Variants in SYN3 observed in about 807,000 individuals in gnomAD.
The protein encoded by SYN3 is synapsin III, also known as synapsin-3.
A neutral mutation model predicts 65.8 loss-of-function variants in SYN3; 35 were observed. The ratio of observed to expected loss-of-function variants is 0.53; its 90% confidence interval spans 0.41 to 0.70. The LOEUF (loss-of-function observed/expected upper bound fraction) is 0.70. Among genes scored for constraint, SYN3 ranks in the 30% least tolerant of loss-of-function variants. The pLI is 0.00. For synonymous variants in SYN3, 270 were observed against 292.9 expected, an observed-to-expected ratio of 0.92 and a Z score of 0.80; for missense variants, 680 against 749.0, an observed-to-expected ratio of 0.91 and a Z score of 1.08.
intron 6 of SYN3, among the ~76,000 whole-genome samples, chr22:32,840,646 C>T (rs1359114053): frequency 1.3e-5 from 2 of 152,078 alleles, no homozygotes; most frequent in South Asian, 2.1e-4. Flanking sequence ...CCGCCCCCTC[C>T]GCCCCCCACC....
chr22:32,554,812 C>A (rs972661156), intron 7 of SYN3, among the ~76,000 whole-genome samples: 4 of 151,816 alleles, frequency 2.6e-5, no homozygotes, highest in Admixed American at 6.6e-5. Flanking sequence ...GCCTTGCTGA[C>A]AAAAAAAATG....
In SYN3 at chr22:32,604,781, A is replaced by G. The variant is rs372426550; in HGVS notation, c.712-8045T>C. 3.1e-3 allele frequency among the ~76,000 whole-genome samples: 474 copies of G among 152,146 alleles called. 5 individuals are homozygous for G. The highest frequency in any genetic ancestry group is 0.01 in the African/African-American group (432 of 41,524). On this transcript the variant is annotated intron_variant, in intron 6 of 13. Transcript: ENST00000358763. ...AGCACTTTGGGAGGCTGAGGCGGGC[A>G]GATGACGAGGTCAGGAGATCGAGAC...
chr22:32,989,556 C>T (rs1254945695), intron 2 of SYN3, among the ~76,000 whole-genome samples: 2 of 152,108 alleles, frequency 1.3e-5, no homozygotes, highest in South Asian at 2.1e-4. Context: ...TCATCAGGGC[C>T]GGGCACGGTG....
intron 12 of SYN3, among the ~76,000 whole-genome samples, chr22:32,522,761 T>C (rs1286958141): frequency 1.3e-5 from 2 of 152,336 alleles, no homozygotes; most frequent in African/African-American, 2.4e-5. Context: ...ATTTATCTCA[T>C]GGACAAGCAC....
At chr22:32,687,657 C>T (rs2060609022) in intron 6 of SYN3, among the ~76,000 whole-genome samples, 1 of 152,132 alleles carries the variant, frequency 6.6e-6, no homozygotes. Context: ...TCCACTCCCG[C>T]CTCCCTCTTG....
chr22:32,903,320 A>G (rs1199987378), intron 4 of SYN3, among the ~76,000 whole-genome samples: 1 of 152,252 alleles, frequency 6.6e-6, no homozygotes, highest in Non-Finnish European at 1.5e-5. Flanking sequence ...GCAAGCTGTT[A>G]TGACCTGTGA....
chr22:32,562,598 C>T (rs1358693951), intron 7 of SYN3, among the ~76,000 whole-genome samples: 2 of 152,232 alleles, frequency 1.3e-5, no homozygotes, highest in Non-Finnish European at 2.9e-5. Context: ...ACCGGCTCTG[C>T]CCCCTGTCAG....
chr22:32,605,521 C>T lies in SYN3; in HGVS notation c.712-8785G>A, dbSNP rs549056146. Among the ~76,000 whole-genome samples the T allele has an allele frequency of 1.1e-4, 16 of 152,272 alleles. No individual in the cohort carries two copies. In the East Asian group the frequency reaches 1.5e-3, roughly 15 times the overall value. On this transcript the variant is annotated intron_variant, in intron 6 of 13. Coordinates refer to ENST00000358763, the MANE Select transcript of SYN3 (RefSeq NM_003490.4). Reference sequence around the variant, plus strand: ...TAAGCACTTTACATATATCGCCCCACGTAAGCCTCTTGATACTTCTTCTGT... The same window carrying T: ...TAAGCACTTTACATATATCGCCCCATGTAAGCCTCTTGATACTTCTTCTGT...
intron 6 of SYN3, among the ~76,000 whole-genome samples, chr22:32,781,299 A>T (rs1009574043): frequency 6.6e-6 from 1 of 151,992 alleles, no homozygotes; most frequent in Non-Finnish European, 1.5e-5. Context: ...TCTCACCCTC[A>T]TGGTGCCTAG....
At chr22:32,927,461 G>A (rs1307113906) in intron 4 of SYN3, among the ~76,000 whole-genome samples, 3 of 151,858 alleles carry the variant, frequency 2.0e-5, no homozygotes, top group Middle Eastern at 6.8e-3. Context: ...TGTTGCCCAG[G>A]CTGGTCTCAA....
At chr22:32,709,625 CCAAA>C (rs2060928712) in intron 6 of SYN3, among the ~76,000 whole-genome samples, 1 of 152,072 alleles carries the variant, frequency 6.6e-6, no homozygotes, top group Admixed American at 6.5e-5. Flanking sequence ...TCAGAAAAAC[CCAAA>C]CAGTTTAAAA....
intron 6 of SYN3, among the ~76,000 whole-genome samples, chr22:32,758,705 T>TATATATA (rs1277216646): frequency 1.2e-3 from 136 of 109,548 alleles, no homozygotes; most frequent in Middle Eastern, 4.6e-3. Flanking sequence ...TATATATGTC[T>TATATATA]TATTAGTTCT....
intron 6 of SYN3, among the ~76,000 whole-genome samples, chr22:32,710,978 T>C (rs903836563): frequency 6.6e-6 from 1 of 152,220 alleles, no homozygotes; most frequent in Non-Finnish European, 1.5e-5. Context: ...CTCTATACCC[T>C]GCCTAACAGT....
intron 4 of SYN3, among the ~76,000 whole-genome samples, chr22:32,896,520 T>C (rs748277614): frequency 1.3e-3 from 191 of 152,248 alleles, no homozygotes; most frequent in Non-Finnish European, 4.1e-4. Flanking sequence ...GGCTAAAAAC[T>C]TAACTGCCTC....
At chr22:32,828,733 G>A (rs1229767160) in intron 6 of SYN3, among the ~76,000 whole-genome samples, 1 of 152,212 alleles carries the variant, frequency 6.6e-6, no homozygotes, top group East Asian at 1.9e-4. Flanking sequence ...TTCTTGGCCG[G>A]TTCTGGGAGA....
chr22:32,923,615 ATTTTGGG>A (rs1394975303), intron 4 of SYN3, among the ~76,000 whole-genome samples: 2 of 152,188 alleles, frequency 1.3e-5, no homozygotes, highest in Non-Finnish European at 2.9e-5. Context: ...TAACATTCCT[ATTTTGGG>A]AGACCATAGC....
chr22:32,966,440 T>C (rs976921129), intron 3 of SYN3, among the ~76,000 whole-genome samples: 1 of 151,730 alleles, frequency 6.6e-6, no homozygotes, highest in African/African-American at 2.4e-5. Flanking sequence ...CGGGAGGAGA[T>C]GAGCAAGGAA....
At chr22:32,639,114 G>A (rs1026186661) in intron 6 of SYN3, among the ~76,000 whole-genome samples, 10 of 152,060 alleles carry the variant, frequency 6.6e-5, no homozygotes, top group Non-Finnish European at 1.2e-4. Flanking sequence ...CCACCACCCC[G>A]GCTAATTTTT....
At chr22:32,576,468 C>T (rs1187320139) in intron 7 of SYN3, among the ~76,000 whole-genome samples, 4 of 152,114 alleles carry the variant, frequency 2.6e-5, no homozygotes, top group African/African-American at 9.7e-5. Context: ...GGGCCTGGCA[C>T]CTAGTATGCG....
Sources: gnomAD v4.1 joint callset for allele counts (sites outside exome capture counted in the v4.1 genomes callset) on GRCh38, gnomAD v4.1.1 for gene constraint, MANE v1.5 for transcripts, NCBI Gene and HGNC (gene_info 2026-07-23, HGNC 2026-07-21) for gene names.